Variants in PCDHA11 observed in about 807,000 individuals in gnomAD.
The protein encoded by PCDHA11 is protocadherin alpha-11.
A neutral mutation model predicts 70.3 loss-of-function variants in PCDHA11; 61 were observed. The observed-to-expected ratio is 0.87, with a 90% CI of 0.71 to 1.07. The LOEUF (loss-of-function observed/expected upper bound fraction) is 1.07, where lower values mean the gene tolerates loss of function less well. Ranked by LOEUF, PCDHA11 falls within the 50% of genes least tolerant of loss-of-function variation. The pLI, the probability that PCDHA11 is intolerant of heterozygous loss-of-function variation, is 0.00. For missense variants in PCDHA11, 1,324 were observed against 1,237.5 expected, an observed-to-expected ratio of 1.07 and a Z score of -1.05; for synonymous variants, 633 against 555.1, an observed-to-expected ratio of 1.14 and a Z score of -1.97.
intron 1 of PCDHA11, among the ~76,000 whole-genome samples, chr5:140,950,022 A>T (rs1355491628): frequency 6.6e-6 from 1 of 151,918 alleles, no homozygotes; most frequent in Non-Finnish European, 1.5e-5. Context: ...CCTTCATAAA[A>T]TATAGAAAAG....
At chr5:140,974,284 G>C (rs1409183152) in intron 1 of PCDHA11, among the ~76,000 whole-genome samples, 2 of 152,092 alleles carry the variant, frequency 1.3e-5, no homozygotes, top group Non-Finnish European at 2.9e-5. Flanking sequence ...CAGAACTCTG[G>C]GCTCCAAGGA....
chr5:140,976,776 C>T (rs1554237952), intron 1 of PCDHA11, among the ~76,000 whole-genome samples: 1 of 152,184 alleles, frequency 6.6e-6, no homozygotes. Context: ...TAGACTCTGA[C>T]TATATAGCTA....
intron 3 of PCDHA11, among the ~76,000 whole-genome samples, chr5:140,984,430 A>T (rs1236503699): frequency 6.6e-6 from 1 of 152,080 alleles, no homozygotes; most frequent in East Asian, 1.9e-4. Flanking sequence ...AGAGAAGGGG[A>T]TCTCCCTTGT....
At position 140,926,724 on chromosome 5, in the gene PCDHA11, G is replaced by C. The variant is rs376759295; in HGVS notation, c.2392-52225G>C. 1.5e-5 allele frequency: 15 copies of C among 1,034,056 alleles called. No homozygotes were observed. In the East Asian group the frequency reaches 2.4e-4, roughly 17 times the overall value. 64.1% of individuals were successfully genotyped at this position (1,034,056 alleles called of 1,614,324 possible). On this transcript the variant is annotated intron_variant, in intron 1 of 3. Transcript: ENST00000398640. ...CCAGCTGGCCAGCCCCGGCAATGCC[G>C]GCGTTCGGGAGGCGCAACGTCGGCG...
intron 1 of PCDHA11, among the ~76,000 whole-genome samples, chr5:140,935,915 CAG>C (rs2090644404): frequency 7.6e-6 from 1 of 131,048 alleles, no homozygotes; most frequent in Non-Finnish European, 1.6e-5. Flanking sequence ...TTTTTTGAGA[CAG>C]ATTCTCATTC....
At position 140,876,190 on chromosome 5, in the gene PCDHA11, C is replaced by T. The variant is rs782463342; in HGVS notation, c.2391+4696C>T. Reference sequence around the variant, plus strand: ...CGTCCTGGATGTGAATGACAATGGTCCGGCGTTTGATAAGCCCAGCTATAA... The same window carrying T: ...CGTCCTGGATGTGAATGACAATGGTTCGGCGTTTGATAAGCCCAGCTATAA... On this transcript the variant is annotated intron_variant, in intron 1 of 3. Coordinates refer to ENST00000398640, the MANE Select transcript of PCDHA11 (RefSeq NM_018902.5). 3.7e-6 allele frequency: 6 copies of T among 1,613,936 alleles called. No individual in the cohort carries two copies. The Admixed American group carries it at 5.0e-5, about 13-fold the overall frequency.
intron 1 of PCDHA11, among the ~76,000 whole-genome samples, chr5:140,977,672 A>G (rs1404527905): frequency 6.6e-6 from 1 of 152,202 alleles, no homozygotes; most frequent in East Asian, 1.9e-4. Flanking sequence ...TGCATGCCAA[A>G]TATCATGTAG....
intron 1 of PCDHA11, among the ~76,000 whole-genome samples, chr5:140,881,772 C>A (rs1253242879): frequency 6.6e-6 from 1 of 152,200 alleles, no homozygotes; most frequent in Admixed American, 6.5e-5. Context: ...CATGACTATG[C>A]AGAACTACCG....
chr5:140,897,881 C>G (rs1417702752), intron 1 of PCDHA11, among the ~76,000 whole-genome samples: 1 of 152,312 alleles, frequency 6.6e-6, no homozygotes, highest in Admixed American at 6.5e-5. Context: ...GATTGCCATT[C>G]TAACTGGTGT....
rs1374109552 is a variant in PCDHA11 at position 141,010,068 on chromosome 5, T to C, written c.*131T>C. On this transcript the variant is annotated 3_prime_UTR_variant, in exon 4 of 4. Transcript: ENST00000398640. ...AGAGACCTCAGAAATCTGCAGAAAGTTCCCTGTGTCTGTCTAGAACGCATT... is the reference window on the plus strand; with the variant it reads ...AGAGACCTCAGAAATCTGCAGAAAGCTCCCTGTGTCTGTCTAGAACGCATT... 4 of 1,604,732 alleles carry C rather than the reference T, an allele frequency of 2.5e-6. No homozygotes were observed. Among genetic ancestry groups the C allele is most frequent in the Non-Finnish European group, 3.4e-6 (4 of 1,175,400 alleles).
rs1351509805 is a variant in PCDHA11, at chr5:140,928,584, TG to T, written c.2392-50364del. The T allele has an allele frequency of 8.7e-6, 14 of 1,614,150 alleles. No homozygotes were observed. In the African/African-American group the frequency reaches 1.9e-4, roughly 22 times the overall value. On this transcript the variant is annotated intron_variant, in intron 1 of 3. Coordinates refer to ENST00000398640, the MANE Select transcript of PCDHA11 (RefSeq NM_018902.5). ...TGTTTCCCTTGCCCAGAAATGGTTCTGTCCCAGTGGAAATTGTGCCCCGCTC... is the reference window on the plus strand; with the variant it reads ...TGTTTCCCTTGCCCAGAAATGGTTCTTCCCAGTGGAAATTGTGCCCCGCTC...
chr5:140,925,641 TATAATA>T (rs10569930), intron 1 of PCDHA11, among the ~76,000 whole-genome samples: 8,694 of 143,320 alleles, frequency 0.061, 267 homozygotes, highest in Non-Finnish European at 0.068. Flanking sequence ...GAACTTAAAG[TATAATA>T]ATAATAATAA....
intron 3 of PCDHA11, among the ~76,000 whole-genome samples, chr5:140,999,091 T>A (rs1342614556): frequency 2.0e-5 from 3 of 152,208 alleles, no homozygotes; most frequent in African/African-American, 7.2e-5. Flanking sequence ...TTCAGAGGGC[T>A]ATGGAGAGTA....
chr5:140,923,242 C>T (rs1302368115), intron 1 of PCDHA11, among the ~76,000 whole-genome samples: 1 of 151,762 alleles, frequency 6.6e-6, no homozygotes, highest in Non-Finnish European at 1.5e-5. Flanking sequence ...AAGTTTGAGA[C>T]CAGCTGGGCA....
chr5:140,945,124 C>T (rs269553), intron 1 of PCDHA11, among the ~76,000 whole-genome samples: 48,193 of 151,846 alleles, frequency 0.32, 7,977 homozygotes, highest in East Asian at 0.53. Flanking sequence ...AAAAAATCAA[C>T]TTACAAAAAT....
At chr5:140,873,078 T>A (rs1375879471) in intron 1 of PCDHA11, among the ~76,000 whole-genome samples, 19 of 152,184 alleles carry the variant, frequency 1.2e-4, no homozygotes, top group Admixed American at 9.2e-4. Flanking sequence ...ATCTAGCTAT[T>A]TCCCCCCCGT....
At chr5:140,891,499 C>T (rs896936552) in intron 1 of PCDHA11, among the ~76,000 whole-genome samples, 1 of 151,838 alleles carries the variant, frequency 6.6e-6, no homozygotes, top group South Asian at 2.1e-4. Flanking sequence ...ATATCCTCAG[C>T]TATAATGTTC....
chr5:140,966,290 G>A (rs2095989541), intron 1 of PCDHA11: 3 of 375,186 alleles, frequency 8.0e-6, no homozygotes, highest in Non-Finnish European at 1.4e-5. Flanking sequence ...GGGGTAGGGA[G>A]AAAGGGAGTG....
chr5:140,911,583 G>C (rs1245667621), intron 1 of PCDHA11, among the ~76,000 whole-genome samples: 4 of 152,150 alleles, frequency 2.6e-5, no homozygotes, highest in African/African-American at 7.2e-5. Context: ...GTGAACTTAG[G>C]AGGAACCAAC....
Sources: gnomAD v4.1 joint callset for allele counts (sites outside exome capture counted in the v4.1 genomes callset) on GRCh38, gnomAD v4.1.1 for gene constraint, MANE v1.5 for transcripts, NCBI Gene and HGNC (gene_info 2026-07-23, HGNC 2026-07-21) for gene names.